Variants in XIRP1 observed in about 807,000 individuals in gnomAD.
The protein encoded by XIRP1 is xin actin-binding repeat-containing protein 1.
For missense variants in XIRP1, 2,378 were observed against 2,345.4 expected (o/e 1.01, Z -0.29); for synonymous variants, 984 against 947.0 (o/e 1.04, Z -0.72).
rs2040039538 is a variant in XIRP1 at position 39,188,881 on chromosome 3, G to C, written c.565C>G (p.Gln189Glu). Residue 189 changes from glutamine (Q) to glutamate (E), a missense_variant, in exon 2 of 2, where the codon CAG becomes GAG. By Grantham distance (29) the Gln-to-Glu change is conservative (BLOSUM62 2). Transcript: ENST00000340369. ...GTCTCAAAGAGCATCCTGGTACCCT[G>C]CACATCTCCGCTGGCTGCAGGCTCC... ...VREPAASGDV[Q>E]GTRMLFETRP... The C allele has an allele frequency of 6.2e-7, 1 of 1,612,842 alleles. No individual in the cohort carries two copies. Among genetic ancestry groups the C allele is most frequent in the South Asian group, 1.1e-5 (1 of 91,088 alleles).
In XIRP1 at chr3:39,188,827, G is replaced by A. The variant is rs1338587146; in HGVS notation, c.619C>T (p.Pro207Ser). 3.1e-6 allele frequency: 5 copies of A among 1,613,062 alleles called. No individual in the cohort carries two copies. The highest frequency in any genetic ancestry group is 3.3e-5 in the Admixed American group (2 of 60,034). ...TRPLDRLGSRPSLQEQSPLEL... is the reference protein window; with the variant it reads ...TRPLDRLGSRSSLQEQSPLEL... ...AAGGGGCTCTGCTCCTGCAGGGAGG[G>A]GCGGGAGCCCAGGCGGTCCAGCGGC... The change falls in exon 2 of 2, where the codon CCC (proline) becomes TCC (serine). Residue 207 changes from proline (P) to serine (S), a missense_variant. By Grantham distance (74) the Pro-to-Ser change is moderately conservative. Transcript: ENST00000340369.
At chr3:39,190,987 A>C (rs1350725756) in intron 1 of XIRP1, among the ~76,000 whole-genome samples, 1 of 152,154 alleles carries the variant, frequency 6.6e-6, no homozygotes, top group African/African-American at 2.4e-5. Flanking sequence ...CCTGGGCTGC[A>C]GGCCAGCCAG....
Position 39,187,682 on chromosome 3 carries a change from C to T in XIRP1, c.1764G>A (p.Lys588=), listed in dbSNP as rs527697955. ...ACCACCGGATGGTCTGCACATCGCC[C>T]TTTGGGGGTGCCTCAGGCTGGGGGT... ...QGDPQPEAPP[K]GDVQTIRWLF... The change falls in exon 2 of 2, where the codon AAG becomes AAA. Residue 588 remains lysine, a synonymous_variant. Coordinates refer to ENST00000340369, the MANE Select transcript of XIRP1 (RefSeq NM_194293.4). 25 of 1,614,072 alleles carry T rather than the reference C, an allele frequency of 1.5e-5. No homozygotes were observed. The African/African-American group carries it at 2.5e-4, about 16-fold the overall frequency.
Position 39,184,457 on chromosome 3 carries a change from G to T in XIRP1, c.4989C>A (p.Ser1663Arg), listed in dbSNP as rs557727856. 6.2e-7 allele frequency: 1 copy of T among 1,614,172 alleles called. No homozygotes were observed. The highest frequency in any genetic ancestry group is 2.2e-5 in the East Asian group (1 of 44,880). The change falls in exon 2 of 2, where the codon AGC becomes AGA. Residue 1663 changes from serine to arginine, a missense_variant. Physicochemically the swap from Ser to Arg is moderately radical, Grantham distance 110 (BLOSUM62 -1). Coordinates refer to ENST00000340369, the MANE Select transcript of XIRP1 (RefSeq NM_194293.4). ...YLCPPRVLPS[S>R]RDSPSSPTFI... ...ATGTTGGGGAGGAGGGAGAATCTCG[G>T]CTGGAAGGTAAAACCCGAGGAGGGC...
Position 39,185,931 on chromosome 3 carries a change from G to GCAGT in XIRP1, c.3511_3514dup (p.Ala1172AspfsTer81). 1 of 1,613,972 alleles carries GCAGT rather than the reference G, an allele frequency of 6.2e-7. No individual in the cohort carries two copies. The highest frequency in any genetic ancestry group is 8.5e-7 in the Non-Finnish European group (1 of 1,179,922). The stretch of plus-strand genomic sequence containing the variant: ...TGGGCGGGGAGCCTGGACTGAGAGG[G>GCAGT]CAGTCTCCCTGTGCCTTGACTGGGG... On this transcript the variant is annotated frameshift_variant, in exon 2 of 2. Transcript: ENST00000340369. LOFTEE classifies it low-confidence loss of function (END_TRUNC).
In XIRP1 at chr3:39,184,097, G is replaced by A. The variant is rs1216516280; in HGVS notation, c.5349C>T (p.Leu1783=). 1.9e-6 allele frequency: 3 copies of A among 1,606,656 alleles called. No homozygotes were observed. The highest frequency in any genetic ancestry group is 2.6e-6 in the Non-Finnish European group (3 of 1,174,696). Residue 1783 remains leucine, a synonymous_variant, in exon 2 of 2, where the codon CTC becomes CTT. Transcript: ENST00000340369. ...GCTCGGTGACTGTGGTGGAAGACAT[G>A]AGGACTGTGTTCCCAAACTGGTCCA... The part of the protein sequence containing the change: ...EEVDQFGNTV[L]MSSTTVTEQA...
Position 39,187,790 on chromosome 3 carries a change from C to G in XIRP1, c.1656G>C (p.Trp552Cys). Residue 552 changes from tryptophan to cysteine, a missense_variant, in exon 2 of 2, where the codon TGG becomes TGC. Physicochemically the swap from Trp to Cys is radical, Grantham distance 215. Coordinates refer to ENST00000340369, the MANE Select transcript of XIRP1 (RefSeq NM_194293.4). ...TCTCCAGGGGCTGGGTCTCAAAAAG[C>G]CACCGAGCTGTGCCAACGTCCCCAG... ...VVAGDVGTAR[W>C]LFETQPLEMI... 6.2e-7 allele frequency: 1 copy of G among 1,614,112 alleles called. No individual in the cohort carries two copies. The highest frequency in any genetic ancestry group is 2.2e-5 in the East Asian group (1 of 44,878).
chr3:39,188,853 C>A lies in XIRP1; in HGVS notation c.593G>T (p.Arg198Leu), dbSNP rs764360295. The A allele has an allele frequency of 6.2e-7, 1 of 1,612,530 alleles. No homozygotes were observed. The highest frequency in any genetic ancestry group is 8.5e-7 in the Non-Finnish European group (1 of 1,180,034). Residue 198 changes from arginine to leucine, a missense_variant, in exon 2 of 2, where the codon CGG (arginine) becomes CTG (leucine). Arg to Leu is a moderately radical substitution (Grantham distance 102). Coordinates refer to ENST00000340369, the MANE Select transcript of XIRP1 (RefSeq NM_194293.4). ...VQGTRMLFET[R>L]PLDRLGSRPS... ...GCGGGAGCCCAGGCGGTCCAGCGGC[C>A]GCGTCTCAAAGAGCATCCTGGTACC...
chr3:39,186,856 T>C lies in XIRP1; in HGVS notation c.2590A>G (p.Thr864Ala), dbSNP rs765539670. 5.6e-6 allele frequency: 9 copies of C among 1,613,620 alleles called. No homozygotes were observed. Among genetic ancestry groups the C allele is most frequent in the Admixed American group, 1.7e-5 (1 of 60,012 alleles). The change falls in exon 2 of 2, where the codon ACT (threonine) becomes GCT (alanine). Residue 864 changes from threonine to alanine, a missense_variant. Transcript: ENST00000340369. Reference protein sequence around the residue: ...QLQLKPLRLPTPGSSGNIEDM... With the variant: ...QLQLKPLRLPAPGSSGNIEDM... The stretch of plus-strand genomic sequence containing the variant: ...TCAATATTCCCACTGCTGCCTGGAG[T>C]TGGCAGCCTCAGCGGCTTGAGTTGG...
chr3:39,185,278 A>C lies in XIRP1; in HGVS notation c.4168T>G (p.Cys1390Gly), dbSNP rs1234488315. 1 of 1,614,066 alleles carries C rather than the reference A, an allele frequency of 6.2e-7. No individual in the cohort carries two copies. The highest frequency in any genetic ancestry group is 2.2e-5 in the East Asian group (1 of 44,880). Residue 1390 changes from cysteine (C) to glycine (G), a missense_variant, in exon 2 of 2, where the codon TGT (cysteine) becomes GGT (glycine). Coordinates refer to ENST00000340369, the MANE Select transcript of XIRP1 (RefSeq NM_194293.4). ...CTGGGCTGGCTATGTCCACTGGGAC[A>C]TCTGGCCAGAGGTATGTGGCCCTGG... is the stretch of plus-strand genomic sequence containing the variant. ...VDQGHIPLARCPSGHSQPSLQ... is the reference protein window; with the variant it reads ...VDQGHIPLARGPSGHSQPSLQ...
chr3:39,184,703 G>T lies in XIRP1; in HGVS notation c.4743C>A (p.His1581Gln). Residue 1581 changes from histidine (H) to glutamine (Q), a missense_variant, in exon 2 of 2, where the codon CAC (histidine) becomes CAA (glutamine). Coordinates refer to ENST00000340369, the MANE Select transcript of XIRP1 (RefSeq NM_194293.4). ...RGHFQGPPKD[H>Q]SAHKISVTVS... The stretch of plus-strand genomic sequence containing the variant: ...CTGTGACACTGATCTTGTGGGCACT[G>T]TGGTCTTTTGGAGGTCCCTGGAAAT... The T allele has an allele frequency of 6.2e-7, 1 of 1,614,272 alleles. No homozygotes were observed. The highest frequency in any genetic ancestry group is 1.3e-5 in the African/African-American group (1 of 75,064).
rs761159410 is a variant in XIRP1, at chr3:39,186,345, C to T, written c.3101G>A (p.Gly1034Glu). Residue 1034 changes from glycine (G) to glutamate (E), a missense_variant, in exon 2 of 2, where the codon GGA becomes GAA. Gly to Glu is a moderately conservative substitution (Grantham distance 98). Transcript: ENST00000340369. Reference sequence around the variant, plus strand: ...GGTAGTCGTGGCTCCTTCTGACTTTCCCAAGACTGCCATCCCTTTCTGTCC... The same window carrying T: ...GGTAGTCGTGGCTCCTTCTGACTTTTCCAAGACTGCCATCCCTTTCTGTCC... ...HSGQKGMAVL[G>E]KSEGATTTPP... The T allele has an allele frequency of 1.3e-5, 21 of 1,614,180 alleles. No individual in the cohort carries two copies. In the South Asian group the frequency reaches 2.2e-4, roughly 17 times the overall value.
chr3:39,188,353 C>T lies in XIRP1; in HGVS notation c.1093G>A (p.Ala365Thr). 1.9e-6 allele frequency: 3 copies of T among 1,614,190 alleles called. No individual in the cohort carries two copies. The highest frequency in any genetic ancestry group is 2.2e-5 in the South Asian group (2 of 91,082). Residue 365 changes from alanine (A) to threonine (T), a missense_variant, in exon 2 of 2, where the codon GCA becomes ACA. Transcript: ENST00000340369. Reference protein sequence around the residue: ...DTLKGDEEAGAEAPPKEEVVP... With the variant: ...DTLKGDEEAGTEAPPKEEVVP... ...ACTTCCTCCTTGGGTGGGGCCTCTG[C>T]TCCAGCCTCTTCGTCCCCCTTCAGA... is the stretch of plus-strand genomic sequence containing the variant.
chr3:39,185,798 T>C lies in XIRP1; in HGVS notation c.3648A>G (p.Pro1216=). Residue 1216 remains proline, a synonymous_variant, in exon 2 of 2, where the codon CCA becomes CCG. Coordinates refer to ENST00000340369, the MANE Select transcript of XIRP1 (RefSeq NM_194293.4). ...TGGTCTCTGCAGCTTGGAGGCCCCC[T>C]GGGCAGACTTCTGCCATCGCCTTCC... ...PPGKAMAEVC[P]GGLQAAETTL... 6.2e-7 allele frequency: 1 copy of C among 1,612,934 alleles called. No homozygotes were observed. The highest frequency in any genetic ancestry group is 1.1e-5 in the South Asian group (1 of 90,942).
At position 39,187,915 on chromosome 3, in the gene XIRP1, C is replaced by G; in HGVS notation, c.1531G>C (p.Gly511Arg). ...REQIVGGDVQ[G>R]YRWMFETQPL... ...TGTGTCTCAAACATCCACCTGTAGC[C>G]CTGCACATCACCTCCGACTATCTGC... Residue 511 changes from glycine (G) to arginine (R), a missense_variant, in exon 2 of 2, where the codon GGC (glycine) becomes CGC (arginine). Gly to Arg is a moderately radical substitution (Grantham distance 125). Transcript: ENST00000340369. 6.2e-7 allele frequency: 1 copy of G among 1,614,178 alleles called. No homozygotes were observed. Among genetic ancestry groups the G allele is most frequent in the South Asian group, 1.1e-5 (1 of 91,086 alleles).
chr3:39,186,467 G>A lies in XIRP1; in HGVS notation c.2979C>T (p.Cys993=). 1.2e-6 allele frequency: 2 copies of A among 1,614,108 alleles called. No homozygotes were observed. Among genetic ancestry groups the A allele is most frequent in the Non-Finnish European group, 1.7e-6 (2 of 1,180,002 alleles). Residue 993 remains cysteine (C), a synonymous_variant, in exon 2 of 2, where the codon TGC becomes TGT. Coordinates refer to ENST00000340369, the MANE Select transcript of XIRP1 (RefSeq NM_194293.4). ...CTGCCTTTCCAATGGCCTGAGGAGGGCAAGGGGTGGCCCCTGAGGCTCTCA... is the reference window on the plus strand; with the variant it reads ...CTGCCTTTCCAATGGCCTGAGGAGGACAAGGGGTGGCCCCTGAGGCTCTCA... The part of the protein sequence containing the change: ...GHLRASGATP[C]PPQAIGKAVP...
rs765119138 is a variant in XIRP1, at chr3:39,187,811, C to G, written c.1635G>C (p.Gly545=). Residue 545 remains glycine (G), a synonymous_variant, in exon 2 of 2, where the codon GGG becomes GGC. Transcript: ENST00000340369. ...AAAGCCACCGAGCTGTGCCAACGTCCCCAGCCACCACTTCCTGCCGGGTGA... is the reference window on the plus strand; with the variant it reads ...AAAGCCACCGAGCTGTGCCAACGTCGCCAGCCACCACTTCCTGCCGGGTGA... ...RGITRQEVVA[G]DVGTARWLFE... 1.9e-5 allele frequency: 30 copies of G among 1,614,120 alleles called. No individual in the cohort carries two copies. Among genetic ancestry groups the G allele is most frequent in the Non-Finnish European group, 2.4e-5 (28 of 1,180,026 alleles).
chr3:39,187,399 A>G lies in XIRP1; in HGVS notation c.2047T>C (p.Cys683Arg), dbSNP rs200956905. The change falls in exon 2 of 2, where the codon TGC (cysteine) becomes CGC (arginine). Residue 683 changes from cysteine to arginine, a missense_variant. By Grantham distance (180) the Cys-to-Arg change is radical. Transcript: ENST00000340369. ...RPCGRRPVRY[C>R]SRVEIPSGQV... ...CCTGAAGGGATCTCCACGCGGCTGC[A>G]GTATCTCACAGGCCGTCTTCCACAG... The G allele has an allele frequency of 2.5e-6, 4 of 1,614,182 alleles. No homozygotes were observed. The Admixed American group carries it at 6.7e-5, about 27-fold the overall frequency.
chr3:39,191,778 CAT>C (rs1479079571), intron 1 of XIRP1, among the ~76,000 whole-genome samples: 3 of 152,210 alleles, frequency 2.0e-5, no homozygotes, highest in African/African-American at 7.2e-5. Flanking sequence ...CAGCTGGCTC[CAT>C]ATGTCTTTAC....
Sources: allele counts gnomAD v4.1 joint callset (sites outside exome capture counted in the v4.1 genomes callset), GRCh38; gene constraint gnomAD v4.1.1; transcripts MANE v1.5; gene names NCBI Gene and HGNC (gene_info 2026-07-23, HGNC 2026-07-21).